Variants in POLR2B observed in about 807,000 individuals in gnomAD.
POLR2B encodes the protein RNA polymerase II subunit B.
A neutral mutation model predicts 144.6 loss-of-function variants in POLR2B; 57 were observed. That is an observed-to-expected ratio of 0.39 (90% CI 0.32 to 0.49). The LOEUF (loss-of-function observed/expected upper bound fraction) is 0.49. Ranked by LOEUF, POLR2B falls within the 20% of genes least tolerant of loss-of-function variation. The pLI, the probability that POLR2B is intolerant of heterozygous loss-of-function variation, is 0.83. For synonymous variants in POLR2B, 442 were observed against 469.8 expected (o/e 0.94, Z 0.77); for missense variants, 595 against 1,467.4 (o/e 0.41, Z 9.71).
intron 7 of POLR2B, among the ~76,000 whole-genome samples, chr4:57,003,979 C>T (rs796380607): frequency 6.7e-6 from 1 of 148,702 alleles, no homozygotes; most frequent in African/African-American, 2.6e-5. Flanking sequence ...AAATAAATAA[C>T]TGTCTCCTTT....
At chr4:57,014,831 A>G (rs1723316004) in intron 13 of POLR2B, among the ~76,000 whole-genome samples, 2 of 152,178 alleles carry the variant, frequency 1.3e-5, no homozygotes, top group Non-Finnish European at 1.5e-5. Context: ...TTGACTTGAT[A>G]CATCCCAAAG....
intron 6 of POLR2B, 102 bp from the exon 7 acceptor site, chr4:56,999,515 A>C: frequency 1.5e-6 from 1 of 678,242 alleles, no homozygotes. Context: ...TTCTTTTGAA[A>C]TGTGCACAAA....
At chr4:56,988,399 C>A (rs1206238475) in intron 2 of POLR2B, among the ~76,000 whole-genome samples, 2 of 151,864 alleles carry the variant, frequency 1.3e-5, no homozygotes, top group African/African-American at 4.8e-5. Flanking sequence ...GTGGCTCGCA[C>A]CTGCCCGTAA....
At chr4:56,985,516 T>G (rs1722297306) in intron 1 of POLR2B, 2 of 951,566 alleles carry the variant, frequency 2.1e-6, no homozygotes, top group African/African-American at 1.8e-5. Context: ...TTCTCTTGCC[T>G]CAGCCTCCTG....
Position 57,005,587 on chromosome 4 carries a change from T to C in POLR2B, c.1098-13T>C, listed in dbSNP as rs765100400. On this transcript the variant is annotated splice_polypyrimidine_tract_variant and intron_variant, in intron 8 of 24. Transcript: ENST00000314595. ...TTTTCCCTCTTTCTTTCTTTCTTTT[T>C]TTTTTTTTAAAGATACATGGTTCAT... 3 of 1,563,394 alleles carry C rather than the reference T, an allele frequency of 1.9e-6. No homozygotes were observed. In the African/African-American group the frequency reaches 4.2e-5, roughly 22 times the overall value.
chr4:57,023,885 A>G lies in POLR2B; in HGVS notation c.2857-120A>G, dbSNP rs887235598. On this transcript the variant is annotated intron_variant, in intron 20 of 24. Transcript: ENST00000314595. The surrounding 1 kb of genome is among the most constrained non-coding windows in gnomAD (Gnocchi z 4.3). The stretch of plus-strand genomic sequence containing the variant: ...TTTGATTTTATTGTTGAATAAGTAT[A>G]TGAACATACCATGTTTAAACAGAAT... 1 of 794,444 alleles carries G rather than the reference A, an allele frequency of 1.3e-6. No homozygotes were observed. Among genetic ancestry groups the G allele is most frequent in the East Asian group, 2.5e-5 (1 of 39,506 alleles). The allele number at this position is 794,444 out of a possible 1,614,324, so 49.2% of individuals were successfully genotyped here.
chr4:57,019,479 A>G (rs1343302598), intron 16 of POLR2B, among the ~76,000 whole-genome samples: 1 of 152,000 alleles, frequency 6.6e-6, no homozygotes, highest in African/African-American at 2.4e-5. Context: ...TGCCGGGATT[A>G]CAGATGTAAG....
chr4:56,988,724 A>T (rs908115290), intron 2 of POLR2B, among the ~76,000 whole-genome samples: 8 of 152,236 alleles, frequency 5.3e-5, no homozygotes, highest in Middle Eastern at 3.2e-3. Flanking sequence ...GTAGAAGACT[A>T]AACTTTACTG....
rs1722992342 is a variant in POLR2B, at chr4:57,005,582, C to CTTTCTT, written c.1098-15_1098-14insCTTTTT. 8 of 1,335,092 alleles carry CTTTCTT rather than the reference C, an allele frequency of 6.0e-6. No individual in the cohort carries two copies. Among genetic ancestry groups the CTTTCTT allele is most frequent in the South Asian group, 2.8e-5 (2 of 71,434 alleles). 82.7% of individuals were successfully genotyped at this position (1,335,092 alleles called of 1,614,324 possible). On this transcript the variant is annotated splice_polypyrimidine_tract_variant and intron_variant, in intron 8 of 24. Coordinates refer to ENST00000314595, the MANE Select transcript of POLR2B (RefSeq NM_000938.3). ...AAGTGTTTTCCCTCTTTCTTTCTTT[C>CTTTCTT]TTTTTTTTTTTTTAAAGATACATGG...
chr4:57,030,151 C>A, intron 23 of POLR2B, 53 bp from the exon 24 acceptor site: 1 of 1,368,586 alleles, frequency 7.3e-7, no homozygotes. Flanking sequence ...TTATTCAAGG[C>A]GGTGTTTATA....
intron 7 of POLR2B, 68 bp downstream of exon 7, chr4:56,999,849 C>A: frequency 1.8e-6 from 2 of 1,108,424 alleles, no homozygotes; most frequent in Non-Finnish European, 2.6e-6. Flanking sequence ...TGTTGCTAAC[C>A]TTAAAACATA....
intron 6 of POLR2B, among the ~76,000 whole-genome samples, chr4:56,996,292 T>C (rs1226983786): frequency 1.5e-5 from 2 of 134,558 alleles, no homozygotes; most frequent in African/African-American, 5.4e-5. Context: ...TTTTTTTTTT[T>C]TTTTTTTGAG....
intron 2 of POLR2B, 102 bp from the exon 3 acceptor site, chr4:56,990,646 G>T (rs1381722891): frequency 5.0e-6 from 5 of 1,000,268 alleles, no homozygotes; most frequent in Non-Finnish European, 7.5e-6. Flanking sequence ...GGTATTTTAT[G>T]ACTGTTTCTT....
At chr4:57,024,765 A>C in intron 21 of POLR2B, 121 bp from the exon 22 acceptor site, 1 of 605,794 alleles carries the variant, frequency 1.7e-6, no homozygotes, top group Non-Finnish European at 2.9e-6. Context: ...TAAAATACTT[A>C]AAATAATACT....
chr4:57,021,092 C>G, intron 17 of POLR2B, 97 bp downstream of exon 17: 1 of 722,708 alleles, frequency 1.4e-6, no homozygotes, highest in South Asian at 1.5e-5. Flanking sequence ...CTACGCCGCA[C>G]TCCAGAAAGT....
In POLR2B at chr4:56,978,925, C is replaced by G; in HGVS notation, c.-61C>G. On this transcript the variant is annotated 5_prime_UTR_variant, in exon 1 of 25. Transcript: ENST00000314595. ...CGTCTTTAGCTCCTGGCGCTGCTGGCTTCTGGGCGGTTTTTGTCTTTTGAT... is the reference window on the plus strand; with the variant it reads ...CGTCTTTAGCTCCTGGCGCTGCTGGGTTCTGGGCGGTTTTTGTCTTTTGAT... 2 of 1,541,174 alleles carry G rather than the reference C, an allele frequency of 1.3e-6. No individual in the cohort carries two copies. The highest frequency in any genetic ancestry group is 1.8e-6 in the Non-Finnish European group (2 of 1,113,950).
chr4:57,001,347 C>A (rs1199018738), intron 7 of POLR2B, among the ~76,000 whole-genome samples: 3 of 152,130 alleles, frequency 2.0e-5, no homozygotes, highest in African/African-American at 7.2e-5. Context: ...TTAGTAGAGA[C>A]AGGGTTTCAC....
At chr4:57,020,784 A>G (rs1723517063) in intron 16 of POLR2B, 115 bp from the exon 17 acceptor site, 1 of 738,338 alleles carries the variant, frequency 1.4e-6, no homozygotes, top group Admixed American at 2.0e-5. Flanking sequence ...TTACCATGAT[A>G]ACAAACACCC....
intron 1 of POLR2B, among the ~76,000 whole-genome samples, chr4:56,979,572 T>TA (rs773090093): frequency 2.2e-4 from 33 of 152,128 alleles, no homozygotes; most frequent in Non-Finnish European, 4.7e-4. Flanking sequence ...TCTCAGATGA[T>TA]ATGTATTCTG....
Sources: gnomAD v4.1 joint callset for allele counts (sites outside exome capture counted in the v4.1 genomes callset) on GRCh38, gnomAD v4.1.1 for gene constraint, Gnocchi (gnomAD v3.1) non-coding constraint, MANE v1.5 for transcripts, NCBI Gene and HGNC (gene_info 2026-07-23, HGNC 2026-07-21) for gene names.